The following MFSD12 variants were observed in gnomAD, a reference collection of about 807,000 sequenced individuals.
MFSD12 encodes major facilitator superfamily domain-containing protein 12.
Under a neutral mutation model 51.2 loss-of-function variants are expected in MFSD12, and 67 were observed. The ratio of observed to expected loss-of-function variants is 1.31; its 90% CI spans 1.08 to 1.60. The LOEUF is 1.60. MFSD12 is among the 40% of genes most tolerant of loss of function. The probability of loss-of-function intolerance (pLI) is 0.00; values close to 1 mark genes in which losing one functional copy is unlikely to be tolerated. For synonymous variants in MFSD12, 441 were observed against 316.7 expected (o/e 1.39, Z -4.17); for missense variants, 921 against 673.0 (o/e 1.37, Z -4.08).
At chr19:3,545,992 C>T (rs774924090) in intron 8 of MFSD12, 82 bp downstream of exon 8, 394 of 1,466,202 alleles carry the variant, frequency 2.7e-4, no homozygotes, top group Non-Finnish European at 3.4e-4. Flanking sequence ...ATGCCCAGAC[C>T]CAGAACACTG....
chr19:3,552,734 C>T lies in MFSD12; in HGVS notation c.299-1540G>A, dbSNP rs544898656. The stretch of plus-strand genomic sequence containing the variant: ...TCCTAGCCTCAAGTGATCCTCCTGC[C>T]TCGGCCTCCCAAAGTGCTCGGATTA... On this transcript the variant is annotated intron_variant, in intron 1 of 9. Transcript: ENST00000355415. 2.6e-5 allele frequency among the ~76,000 whole-genome samples: 4 copies of T among 152,256 alleles called. No homozygotes were observed. In the East Asian group the frequency reaches 5.8e-4, roughly 22 times the overall value.
At chr19:3,538,982 C>T in intron 4 of MFSD12, 2 of 631,090 alleles carry the variant, frequency 3.2e-6, no homozygotes, top group South Asian at 3.6e-5. Flanking sequence ...TGGCCCTGGC[C>T]TTGCCCACCC....
At chr19:3,540,297 C>T (rs567222688), downstream of MFSD12, among the ~76,000 whole-genome samples, 14 of 150,054 alleles carry the variant, frequency 9.3e-5, no homozygotes, top group South Asian at 1.1e-3. Flanking sequence ...TCACTCTTGT[C>T]GCAAGACTGG....
chr19:3,547,311 G>T lies in MFSD12; in HGVS notation c.984C>A (p.Ser328=), dbSNP rs34649654. The T allele has an allele frequency of 4.3e-6, 7 of 1,613,160 alleles. No homozygotes were observed. In the African/African-American group the frequency reaches 9.3e-5, roughly 22 times the overall value. The change falls in exon 6 of 10, where the codon TCC becomes TCA. Residue 328 remains serine, a synonymous_variant. Coordinates refer to ENST00000355415, the MANE Select transcript of MFSD12 (RefSeq NM_174983.5). ...LVMYLSGFLS[S]FLMKPINKCI... The stretch of plus-strand genomic sequence containing the variant: ...ACTTGTTGATGGGCTTCATGAGGAA[G>T]GAGGACAAGAAGCCGCTGAGGTACA...
At chr19:3,552,467 C>CAT (rs2031527012) in intron 1 of MFSD12, among the ~76,000 whole-genome samples, 1 of 65,196 alleles carries the variant, frequency 1.5e-5, no homozygotes, top group Non-Finnish European at 2.7e-5. Flanking sequence ...CGCGCCCCGC[C>CAT]TTTTTTTTTT....
rs919317044 is a variant in MFSD12, at chr19:3,548,205, A to G, written c.572T>C (p.Leu191Pro). Residue 191 changes from leucine (L) to proline (P), a missense_variant, in exon 3 of 10, where the codon CTG becomes CCG. Transcript: ENST00000355415. ...VYGAAWLLLH[L>P]QGSSRVEPTQ... ...GGGCTCCACCCGCGACGAGCCCTGC[A>G]GGTGCAGCAGGAGCCAGGCGGCGCC... 6.4e-6 allele frequency: 10 copies of G among 1,565,772 alleles called. No homozygotes were observed. The highest frequency in any genetic ancestry group is 1.2e-5 in the South Asian group (1 of 86,086).
At position 3,551,153 on chromosome 19, in the gene MFSD12, G is replaced by C. The variant is rs775787287; in HGVS notation, c.340C>G (p.Pro114Ala). 7.4e-6 allele frequency: 12 copies of C among 1,612,300 alleles called. No homozygotes were observed. Among genetic ancestry groups the C allele is most frequent in the Middle Eastern group, 3.5e-4 (2 of 5,728 alleles). Residue 114 changes from proline to alanine, a missense_variant, in exon 2 of 10, where the codon CCC becomes GCC. Coordinates refer to ENST00000355415, the MANE Select transcript of MFSD12 (RefSeq NM_174983.5). This position sits in a 1 kb window ranked among gnomAD's most constrained non-coding sequence, Gnocchi z 4.6. Reference sequence around the variant, plus strand: ...GTGGCCGCCCCACAGCCCAGGCAGGGGCTGAAGATGAAGGGGAAGGACAGC... The same window carrying C: ...GTGGCCGCCCCACAGCCCAGGCAGGCGCTGAAGATGAAGGGGAAGGACAGC... ...VLLSFPFIFS[P>A]CLGCGAATPE...
At chr19:3,555,076 C>T (rs946089771) in intron 1 of MFSD12, among the ~76,000 whole-genome samples, 9 of 152,182 alleles carry the variant, frequency 5.9e-5, no homozygotes, top group African/African-American at 9.6e-5. Context: ...ATAAAGCCTT[C>T]GGTTGCTGTT....
At chr19:3,542,708 C>A, downstream of MFSD12, 3 of 1,282,866 alleles carry the variant, frequency 2.3e-6, no homozygotes, top group Non-Finnish European at 3.1e-6. Flanking sequence ...GTCTCGAACT[C>A]CTGACCTCAA....
downstream of MFSD12, chr19:3,543,387 T>C: frequency 6.5e-7 from 1 of 1,549,018 alleles, no homozygotes; most frequent in Non-Finnish European, 8.7e-7. Flanking sequence ...TGGTACAACC[T>C]GCCACGGGCC....
In MFSD12 at chr19:3,546,445, G is replaced by A; in HGVS notation, c.1024-20C>T. Reference sequence around the variant, plus strand: ...GGTCATCTGCAGGGACAGCCCCGGGGTCAGGCCCACACCACTGGGTGCCCC... The same window carrying A: ...GGTCATCTGCAGGGACAGCCCCGGGATCAGGCCCACACCACTGGGTGCCCC... On this transcript the variant is annotated intron_variant, in intron 6 of 9. Coordinates refer to ENST00000355415, the MANE Select transcript of MFSD12 (RefSeq NM_174983.5). The A allele has an allele frequency of 6.3e-7, 1 of 1,592,364 alleles. No individual in the cohort carries two copies. The highest frequency in any genetic ancestry group is 8.5e-7 in the Non-Finnish European group (1 of 1,170,368).
In MFSD12 at chr19:3,544,846, G is replaced by A; in HGVS notation, c.1383C>T (p.Leu461=). 1 of 1,612,452 alleles carries A rather than the reference G, an allele frequency of 6.2e-7. No homozygotes were observed. Among genetic ancestry groups the A allele is most frequent in the Non-Finnish European group, 8.5e-7 (1 of 1,179,714 alleles). Reference sequence around the variant, plus strand: ...GGGTCGGCCACAGCAGGAGGCTACAGAGACACAGGGCAGCGGCCACGCCCA... The same window carrying A: ...GGGTCGGCCACAGCAGGAGGCTACAAAGACACAGGGCAGCGGCCACGCCCA... The part of the protein sequence containing the change: ...GGVGVAAALC[L]CSLLLWPTRL... Residue 461 remains leucine (L), a synonymous_variant, in exon 9 of 10, where the codon CTC becomes CTT. Coordinates refer to ENST00000355415, the MANE Select transcript of MFSD12 (RefSeq NM_174983.5).
chr19:3,543,096 A>G, downstream of MFSD12: 2 of 1,551,478 alleles, frequency 1.3e-6, no homozygotes, highest in Non-Finnish European at 1.7e-6. Context: ...GGGCTGAAGG[A>G]CAGACTCCAA....
chr19:3,542,400 A>G (rs769240745), downstream of MFSD12: 5 of 985,396 alleles, frequency 5.1e-6, no homozygotes, highest in Middle Eastern at 5.2e-4. Context: ...GGGGCCAGCA[A>G]CCTTGTTTTC....
chr19:3,546,009 A>C, intron 8 of MFSD12, 65 bp downstream of exon 8: 1 of 1,539,166 alleles, frequency 6.5e-7, no homozygotes. Flanking sequence ...ACTGCTGGAC[A>C]CACAGCAGGC....
chr19:3,548,081 T>G lies in MFSD12; in HGVS notation c.654+42A>C, dbSNP rs761788086. On this transcript the variant is annotated intron_variant, in intron 3 of 9. Transcript: ENST00000355415. ...TGGTGGCGGGCCCAGCCCCCGCCCC[T>G]GGCTCGAGGACTTCAGGCGACCCAC... is the stretch of plus-strand genomic sequence containing the variant. 9 of 1,601,832 alleles carry G rather than the reference T, an allele frequency of 5.6e-6. 2 individuals carry two copies. Among genetic ancestry groups the G allele is most frequent in the Middle Eastern group, 1.7e-4 (1 of 6,032 alleles).
In MFSD12 at chr19:3,546,254, C is replaced by A. The variant is rs745385773; in HGVS notation, c.1194+1G>T. On this transcript the variant is annotated splice_donor_variant, in intron 7 of 9. Transcript: ENST00000355415. LOFTEE classifies it high-confidence loss of function. ...CACCCCAGCCTGGCTACCAGCCCTA[C>A]CGTGTGGGGACCGATGAGGTCGGCC... 21 of 1,610,176 alleles carry A rather than the reference C, an allele frequency of 1.3e-5. No homozygotes were observed. Among genetic ancestry groups the A allele is most frequent in the Non-Finnish European group, 1.7e-5 (20 of 1,178,638 alleles).
chr19:3,544,590 G>A lies in MFSD12; in HGVS notation c.*120C>T. ...ACCCCACCCCCGGGAGCTGGGTGAG[G>A]ATGGAGGGTGGGGGTCCAGAGAAGA... On this transcript the variant is annotated 3_prime_UTR_variant, in exon 10 of 10. Coordinates refer to ENST00000355415, the MANE Select transcript of MFSD12 (RefSeq NM_174983.5). The A allele has an allele frequency of 6.8e-7, 1 of 1,477,348 alleles. No individual in the cohort carries two copies. The highest frequency in any genetic ancestry group is 8.9e-7 in the Non-Finnish European group (1 of 1,117,516). The allele number at this position is 1,477,348 out of a possible 1,614,324, so 91.5% of individuals were successfully genotyped here.
chr19:3,548,066 C>A, intron 3 of MFSD12, 36 bp from the exon 4 acceptor site: 6 of 1,599,666 alleles, frequency 3.8e-6, no homozygotes, highest in Non-Finnish European at 5.1e-6. Flanking sequence ...TGGTGGCGGG[C>A]CCAGCCCCCG....
Sources: gnomAD v4.1 joint callset for allele counts (sites outside exome capture counted in the v4.1 genomes callset) on GRCh38, gnomAD v4.1.1 for gene constraint, Gnocchi (gnomAD v3.1) non-coding constraint, MANE v1.5 for transcripts, NCBI Gene and HGNC (gene_info 2026-07-23, HGNC 2026-07-21) for gene names.